The following DMD variants were observed in gnomAD, a reference collection of about 807,000 sequenced individuals.
DMD encodes the protein mutant dystrophin.
In DMD, 63 loss-of-function variants were observed where a neutral mutation model predicts 330.1. The ratio of observed to expected loss-of-function variants is 0.19; its 90% CI spans 0.16 to 0.24. The LOEUF is 0.24. Among genes scored for constraint, DMD ranks in the 10% least tolerant of loss-of-function variants. The pLI is 1.00. For missense variants in DMD, 3,344 were observed against 2,684.1 expected (o/e 1.25, Z -5.43); for synonymous variants, 1,223 against 959.8 (o/e 1.27, Z -5.07).
rs1446750643 is a variant in DMD, at chrX:31,968,465, T to C, written c.6488A>G (p.Asn2163Ser). 9 of 1,210,801 alleles carry C rather than the reference T, an allele frequency of 7.4e-6. No homozygotes were observed. The highest frequency in any genetic ancestry group is 1.0e-5 in the Non-Finnish European group (9 of 894,900). Residue 2163 changes from asparagine (N) to serine (S), a missense_variant, in exon 45 of 79, where the codon AAT becomes AGT. Physicochemically the swap from Asn to Ser is conservative, Grantham distance 46. Coordinates refer to ENST00000357033, the MANE Select transcript of DMD (RefSeq NM_004006.3). The stretch of plus-strand genomic sequence containing the variant: ...CTGAATTATTTCTTCCCCAGTTGCA[T>C]TCAATGTTCTGACAACAGTTTGCCG... The part of the protein sequence containing the change: ...GQRQTVVRTL[N>S]ATGEEIIQQS...
At chrX:32,065,858 C>G (rs1347317091) in intron 44 of DMD, among the ~76,000 whole-genome samples, 2 of 111,687 alleles carry the variant, frequency 1.8e-5, no homozygotes, top group Admixed American at 1.9e-4. Flanking sequence ...ATTTTGTTCA[C>G]TCTTTAACTC....
intron 45 of DMD, among the ~76,000 whole-genome samples, chrX:31,956,047 C>T (rs2095242664): frequency 1.9e-5 from 2 of 107,991 alleles, no homozygotes; most frequent in African/African-American, 6.8e-5. Flanking sequence ...TTGTGTAGAT[C>T]TTCCATGAAG....
At chrX:31,827,106 C>T (rs2092910605) in intron 49 of DMD, among the ~76,000 whole-genome samples, 1 of 111,861 alleles carries the variant, frequency 8.9e-6, no homozygotes, top group South Asian at 3.7e-4. Flanking sequence ...ATATAGCTTT[C>T]CTTTTAAAAT....
chrX:32,787,880 G>A (rs2148609497), intron 7 of DMD, among the ~76,000 whole-genome samples: 1 of 111,230 alleles, frequency 9.0e-6, no homozygotes, highest in East Asian at 2.8e-4. Context: ...GGAGTATAAA[G>A]GGACCATTTA....
chrX:32,312,148 CATTT>C (rs1436537059), intron 41 of DMD, among the ~76,000 whole-genome samples: 1 of 110,966 alleles, frequency 9.0e-6, no homozygotes, highest in Admixed American at 9.6e-5. Flanking sequence ...TGTAGTTTTT[CATTT>C]ATTTATTAAT....
chrX:32,295,892 T>A (rs145111893), intron 42 of DMD, among the ~76,000 whole-genome samples: 1,784 of 112,205 alleles, frequency 0.016, 34 homozygotes, highest in African/African-American at 0.055. Context: ...AATGGTAAAC[T>A]TATGTGTATA....
chrX:33,236,722 A>G (rs2052491166), intron 1 of DMD, among the ~76,000 whole-genome samples: 1 of 110,914 alleles, frequency 9.0e-6, no homozygotes, highest in African/African-American at 3.3e-5. Flanking sequence ...TGGAGGCCTT[A>G]TCAAACACCA....
chrX:31,923,430 A>C (rs1382065577), intron 47 of DMD, among the ~76,000 whole-genome samples: 1 of 111,140 alleles, frequency 9.0e-6, no homozygotes, highest in Non-Finnish European at 1.9e-5. Context: ...CCTTTAATAG[A>C]TAGCTCTTGA....
intron 52 of DMD, among the ~76,000 whole-genome samples, chrX:31,695,500 C>T (rs1196710980): frequency 1.8e-5 from 2 of 110,249 alleles, no homozygotes; most frequent in African/African-American, 6.6e-5. Flanking sequence ...GCTTGTTTCA[C>T]ATTACATGCC....
At position 31,512,976 on chromosome X, in the gene DMD, G is replaced by A. The variant is rs1387900585; in HGVS notation, c.8218-5523C>T. 2.8e-5 allele frequency among the ~76,000 whole-genome samples: 3 copies of A among 106,643 alleles called. 1 individual carries two copies. The highest frequency in any genetic ancestry group is 3.9e-5 in the Non-Finnish European group (2 of 51,858). The allele number at this position is 106,643 out of a possible 115,157, so 92.6% of individuals were successfully genotyped here. A position where few individuals can be genotyped will look rare whatever the true frequency, so the allele number is the denominator to read the frequency against. Reference sequence around the variant, plus strand: ...TTCTTCCTACCCATGAGCATGGAATGTTCTTCCATTTGTTTGTGTCCTCTT... The same window carrying A: ...TTCTTCCTACCCATGAGCATGGAATATTCTTCCATTTGTTTGTGTCCTCTT... On this transcript the variant is annotated intron_variant, in intron 55 of 78. Coordinates refer to ENST00000357033, the MANE Select transcript of DMD (RefSeq NM_004006.3).
At chrX:32,178,276 G>A (rs1483224645) in intron 44 of DMD, among the ~76,000 whole-genome samples, 1 of 108,725 alleles carries the variant, frequency 9.2e-6, no homozygotes, top group Non-Finnish European at 1.9e-5. Flanking sequence ...ATATTAATGA[G>A]GTTAACTATT....
chrX:32,168,383 C>T (rs1274253125), intron 44 of DMD, among the ~76,000 whole-genome samples: 1 of 110,655 alleles, frequency 9.0e-6, no homozygotes, highest in African/African-American at 3.3e-5. Context: ...ACGCTGATAT[C>T]TGCTTTCAGC....
intron 16 of DMD, among the ~76,000 whole-genome samples, chrX:32,556,420 C>T (rs1438215355): frequency 9.0e-6 from 1 of 111,329 alleles, no homozygotes; most frequent in Non-Finnish European, 1.9e-5. Flanking sequence ...TTCTCAAAGA[C>T]TTAGAGGCAG....
At chrX:33,179,688 C>T (rs1374530148) in intron 1 of DMD, among the ~76,000 whole-genome samples, 3 of 100,076 alleles carry the variant, frequency 3.0e-5, no homozygotes, top group Admixed American at 2.2e-4. Flanking sequence ...AGCGAGACTC[C>T]GTCTCAAAAA....
At chrX:32,836,410 A>G (rs1253046805) in intron 4 of DMD, among the ~76,000 whole-genome samples, 1 of 110,711 alleles carries the variant, frequency 9.0e-6, no homozygotes, top group African/African-American at 3.3e-5. Flanking sequence ...CATACTTAAT[A>G]TTTCCCTTCC....
intron 41 of DMD, among the ~76,000 whole-genome samples, chrX:32,330,843 A>G (rs1321310958): frequency 2.7e-5 from 3 of 111,677 alleles, no homozygotes; most frequent in Admixed American, 9.6e-5. Flanking sequence ...CACTAAGTGT[A>G]TGGAGTTACC....
chrX:33,211,690 G>T, upstream of DMD: 1 of 439,026 alleles, frequency 2.3e-6, no homozygotes, highest in Non-Finnish European at 3.1e-6. Context: ...TTCCAGCATG[G>T]CAAGCTCTGT....
In DMD at chrX:32,335,256, C is replaced by T. The variant is rs2097699808; in HGVS notation, c.5922+6844G>A. On this transcript the variant is annotated intron_variant, in intron 41 of 78. Transcript: ENST00000357033. ...TCAATCTGTTGCCCAGGCTGTAGTGCAGTGGTGTGATCCCTGCTGACTGTA... is the reference window on the plus strand; with the variant it reads ...TCAATCTGTTGCCCAGGCTGTAGTGTAGTGGTGTGATCCCTGCTGACTGTA... 3.7e-5 allele frequency among the ~76,000 whole-genome samples: 4 copies of T among 108,394 alleles called. No individual in the cohort carries two copies. The Admixed American group carries it at 4.1e-4, about 11-fold the overall frequency. The allele number at this position is 108,394 out of a possible 115,157, so 94.1% of individuals were successfully genotyped here.
At chrX:32,321,660 A>AAAC (rs754457523) in intron 41 of DMD, among the ~76,000 whole-genome samples, 66 of 111,718 alleles carry the variant, frequency 5.9e-4, no homozygotes, top group Non-Finnish European at 7.3e-4. Context: ...CATCAGATCA[A>AAAC]AACAACAACA....
Sources: gnomAD v4.1 joint callset for allele counts (sites outside exome capture counted in the v4.1 genomes callset) on GRCh38, gnomAD v4.1.1 for gene constraint, MANE v1.5 for transcripts, NCBI Gene and HGNC (gene_info 2026-07-23, HGNC 2026-07-21) for gene names.